Variants in PLA2G4C observed in about 807,000 individuals in gnomAD.
PLA2G4C encodes the protein phospholipase A2 group IVC.
A neutral mutation model predicts 73.8 loss-of-function variants in PLA2G4C; 64 were observed. The ratio of observed to expected loss-of-function variants is 0.87; its 90% CI spans 0.71 to 1.07. The LOEUF (loss-of-function observed/expected upper bound fraction) is 1.07. PLA2G4C is among the 50% of genes least tolerant of loss of function. The pLI, the probability that PLA2G4C is intolerant of heterozygous loss-of-function variation, is 0.00. For missense variants in PLA2G4C, 622 were observed against 665.4 expected (o/e 0.93, Z 0.72); for synonymous variants, 254 against 252.1 (o/e 1.01, Z -0.07).
At chr19:48,099,626 C>G (rs1317862447) in intron 5 of PLA2G4C, 45 bp downstream of exon 5, 1 of 1,466,776 alleles carries the variant, frequency 6.8e-7, no homozygotes, top group Non-Finnish European at 9.4e-7. Flanking sequence ...CCTGAGACCC[C>G]TTGCTCCTAC....
At chr19:48,062,466 C>T (rs950478004) in intron 13 of PLA2G4C, among the ~76,000 whole-genome samples, 10 of 152,224 alleles carry the variant, frequency 6.6e-5, no homozygotes, top group African/African-American at 2.2e-4. Flanking sequence ...CAAAATTAGC[C>T]AGGCGTGGTG....
chr19:48,066,851 C>T (rs539549101), intron 13 of PLA2G4C, among the ~76,000 whole-genome samples: 1 of 151,990 alleles, frequency 6.6e-6, no homozygotes, highest in Non-Finnish European at 1.5e-5. Flanking sequence ...TGCCTGTGTT[C>T]CCAGCTATTC....
intron 4 of PLA2G4C, among the ~76,000 whole-genome samples, chr19:48,101,122 A>ATTTTTT (rs1301166875): frequency 1.5e-5 from 1 of 66,542 alleles, no homozygotes; most frequent in African/African-American, 8.1e-5. Flanking sequence ...ATATATATAT[A>ATTTTTT]TATATTTTTT....
intron 14 of PLA2G4C, among the ~76,000 whole-genome samples, chr19:48,057,956 C>T (rs1968020222): frequency 6.6e-6 from 1 of 151,744 alleles, no homozygotes; most frequent in Admixed American, 6.6e-5. Context: ...TCTCAACCTC[C>T]TAAGTAGCTG....
intron 8 of PLA2G4C, among the ~76,000 whole-genome samples, chr19:48,089,836 C>T (rs2031194389): frequency 6.6e-6 from 1 of 152,160 alleles, no homozygotes; most frequent in Non-Finnish European, 1.5e-5. Context: ...TAGATCCCCG[C>T]GTCTGCACTC....
At chr19:48,059,947 T>G (rs1237737224) in intron 14 of PLA2G4C, among the ~76,000 whole-genome samples, 1 of 151,924 alleles carries the variant, frequency 6.6e-6, no homozygotes, top group Non-Finnish European at 1.5e-5. Context: ...TTTTTTGTAT[T>G]TTTAGTAGAG....
chr19:48,056,284 A>G (rs1007819740), intron 14 of PLA2G4C, among the ~76,000 whole-genome samples: 3 of 152,168 alleles, frequency 2.0e-5, no homozygotes, highest in African/African-American at 7.2e-5. Context: ...GTGGTGGCTC[A>G]TGTCTGTAAT....
Position 48,054,870 on chromosome 19 carries a change from G to T in PLA2G4C, c.1429+8C>A, listed in dbSNP as rs201974582. 4.3e-6 allele frequency: 7 copies of T among 1,613,606 alleles called. No homozygotes were observed. The East Asian group carries it at 1.3e-4, about 31-fold the overall frequency. On this transcript the variant is annotated splice_region_variant and intron_variant, in intron 15 of 16. Transcript: ENST00000599921. ...GTGGCTTCTCACCTGCTCCTCCCCT[G>T]CACCTACCTCCACAGGCATCTATGT...
At chr19:48,053,367 T>TTCA (rs780507677) in intron 15 of PLA2G4C, among the ~76,000 whole-genome samples, 11 of 132,362 alleles carry the variant, frequency 8.3e-5, no homozygotes, top group Non-Finnish European at 1.8e-4. Flanking sequence ...CTTTTTTCTT[T>TTCA]TTTTTTTTTT....
chr19:48,097,487 C>T (rs1047044909), intron 6 of PLA2G4C, among the ~76,000 whole-genome samples: 4 of 151,576 alleles, frequency 2.6e-5, no homozygotes, highest in Admixed American at 6.6e-5. Flanking sequence ...CTCCTGACCT[C>T]GTGATCCACC....
chr19:48,067,695 A>C, intron 13 of PLA2G4C, 96 bp downstream of exon 13: 1 of 832,270 alleles, frequency 1.2e-6, no homozygotes, highest in Non-Finnish European at 2.1e-6. Context: ...CTGGGGAAGG[A>C]CCAGCCTGGG....
chr19:48,101,602 CCATT>C (rs1206253746), intron 4 of PLA2G4C, among the ~76,000 whole-genome samples: 1 of 151,734 alleles, frequency 6.6e-6, no homozygotes, highest in African/African-American at 2.4e-5. Context: ...CACTGGTACT[CCATT>C]CAGTTATTGG....
chr19:48,054,492 T>C (rs1301710874), intron 15 of PLA2G4C, among the ~76,000 whole-genome samples: 3 of 148,112 alleles, frequency 2.0e-5, no homozygotes, highest in Non-Finnish European at 4.5e-5. Flanking sequence ...TGTTGTTGTA[T>C]TTTTAGTAGA....
chr19:48,099,465 G>A (rs961056476), intron 5 of PLA2G4C, among the ~76,000 whole-genome samples: 5 of 152,022 alleles, frequency 3.3e-5, no homozygotes, highest in Admixed American at 1.3e-4. Flanking sequence ...TTGCATAAAC[G>A]AATCAGAGTC....
chr19:48,064,383 T>C (rs1938652008), intron 13 of PLA2G4C, among the ~76,000 whole-genome samples: 1 of 150,570 alleles, frequency 6.6e-6, no homozygotes, highest in Non-Finnish European at 1.5e-5. Context: ...AATCTGAGAT[T>C]GTGCCACTGC....
intron 14 of PLA2G4C, among the ~76,000 whole-genome samples, chr19:48,059,833 A>G (rs1337079226): frequency 1.4e-5 from 2 of 147,108 alleles, no homozygotes; most frequent in Admixed American, 1.4e-4. Context: ...CAATGGCACA[A>G]TCTTGGTTCA....
intron 13 of PLA2G4C, 156 bp from the exon 14 acceptor site, chr19:48,062,308 A>G: frequency 3.3e-6 from 2 of 599,924 alleles, no homozygotes; most frequent in Non-Finnish European, 2.8e-6. Context: ...CTCTCTTCCC[A>G]GATTCATATG....
chr19:48,085,406 G>A (rs1014516326), intron 9 of PLA2G4C, among the ~76,000 whole-genome samples: 1 of 152,156 alleles, frequency 6.6e-6, no homozygotes, highest in African/African-American at 2.4e-5. Flanking sequence ...TCCCTTCCAT[G>A]CCAACGTTTC....
At chr19:48,063,694 G>C (rs1000556160) in intron 13 of PLA2G4C, 1 of 150,568 alleles carries the variant, frequency 6.6e-6, no homozygotes, top group African/African-American at 2.5e-5. Context: ...AGTTCTGGCC[G>C]TGACAGGAAG....
Sources: gnomAD v4.1 joint callset for allele counts (sites outside exome capture counted in the v4.1 genomes callset) on GRCh38, gnomAD v4.1.1 for gene constraint, MANE v1.5 for transcripts, NCBI Gene and HGNC (gene_info 2026-07-23, HGNC 2026-07-21) for gene names.